CACNA1E: variants seen among roughly 807,000 people sequenced by gnomAD.
The protein encoded by CACNA1E is voltage-dependent R-type calcium channel subunit alpha-1E.
CACNA1E carries 40 observed loss-of-function variants against 259.2 expected under a neutral mutation model. The observed-to-expected ratio is 0.15, with a 90% CI of 0.12 to 0.20. The LOEUF (loss-of-function observed/expected upper bound fraction) is 0.20. Among genes scored for constraint, CACNA1E ranks in the 10% least tolerant of loss-of-function variants. CACNA1E has a pLI of 1.00. For missense variants in CACNA1E, 1,874 were observed against 3,040.1 expected (o/e 0.62, Z 9.02); for synonymous variants, 1,104 against 1,138.5 (o/e 0.97, Z 0.61).
chr1:181,529,179 T>C (rs1351742974), intron 3 of CACNA1E, among the ~76,000 whole-genome samples: 2 of 152,238 alleles, frequency 1.3e-5, no homozygotes, highest in East Asian at 3.8e-4. Context: ...GGAGCCAATG[T>C]ACAGCTCAGG....
intron 1 of CACNA1E, among the ~76,000 whole-genome samples, chr1:181,340,766 C>T (rs992631149): frequency 2.0e-5 from 3 of 152,108 alleles, no homozygotes; most frequent in African/African-American, 4.8e-5. Context: ...TTATGAGTGT[C>T]CCTCAAGGAA....
chr1:181,481,070 G>T (rs571224915), upstream of CACNA1E, among the ~76,000 whole-genome samples: 1 of 152,244 alleles, frequency 6.6e-6, no homozygotes, highest in Admixed American at 6.5e-5. Flanking sequence ...TGGCTGATGG[G>T]ACTTCATGGT....
intron 2 of CACNA1E, among the ~76,000 whole-genome samples, chr1:181,464,023 A>T (rs995089173): frequency 6.6e-6 from 1 of 152,168 alleles, no homozygotes; most frequent in Middle Eastern, 3.4e-3. Flanking sequence ...TTTCTCTGCT[A>T]TGATTAGTCC....
At chr1:181,340,270 T>G (rs1418524326) in intron 1 of CACNA1E, among the ~76,000 whole-genome samples, 2 of 152,198 alleles carry the variant, frequency 1.3e-5, no homozygotes, top group African/African-American at 4.8e-5. Context: ...ATGCATCTGT[T>G]TCAGCATTTT....
At chr1:181,326,364 C>A (rs1258225074) in intron 1 of CACNA1E, among the ~76,000 whole-genome samples, 1 of 152,198 alleles carries the variant, frequency 6.6e-6, no homozygotes, top group East Asian at 1.9e-4. Context: ...TCAGTAACAT[C>A]TTGGTGCTCT....
intron 2 of CACNA1E, among the ~76,000 whole-genome samples, chr1:181,452,467 C>T (rs1466296338): frequency 6.6e-6 from 1 of 152,096 alleles, no homozygotes; most frequent in Non-Finnish European, 1.5e-5. Flanking sequence ...AAACTGTGTT[C>T]CTTGGAGCCC....
Position 181,398,046 on chromosome 1 carries a change from G to A in CACNA1E, c.-14-15087G>A, listed in dbSNP as rs113160467. On this transcript the variant is annotated intron_variant, in intron 1 of 11. Coordinates refer to the CACNA1E transcript ENST00000524607. ...AAGCTAGTGTCTGCCTGGGGAAGCC[G>A]CCTCTTTCTCCTGTCCCCACTCTGA... 6.6e-3 allele frequency among the ~76,000 whole-genome samples: 1,012 copies of A among 152,326 alleles called. 12 individuals are homozygous for A. Among genetic ancestry groups the A allele is most frequent in the African/African-American group, 0.022 (900 of 41,574 alleles).
At chr1:181,406,405 T>C (rs1184725954) in intron 1 of CACNA1E, among the ~76,000 whole-genome samples, 3 of 152,190 alleles carry the variant, frequency 2.0e-5, no homozygotes, top group African/African-American at 7.2e-5. Context: ...TTTCTTTTTT[T>C]TCTTTTTTTG....
chr1:181,738,244 AG>A (rs1432815736), intron 23 of CACNA1E, 122 bp from the exon 24 acceptor site: 2 of 759,422 alleles, frequency 2.6e-6, no homozygotes. Context: ...CTTTGTTCTG[AG>A]GGTGCAGTGG....
chr1:181,392,184 T>G (rs1296650365), intron 1 of CACNA1E, among the ~76,000 whole-genome samples: 1 of 152,172 alleles, frequency 6.6e-6, no homozygotes, highest in African/African-American at 2.4e-5. Flanking sequence ...ATTAAAGCCT[T>G]TTAGGTTCTC....
intron 1 of CACNA1E, among the ~76,000 whole-genome samples, chr1:181,407,357 T>C (rs1657539935): frequency 6.6e-6 from 1 of 152,174 alleles, no homozygotes; most frequent in Non-Finnish European, 1.5e-5. Context: ...ACTGTTCTAG[T>C]GGCTTTTAGC....
At chr1:181,467,950 A>G (rs1662254566) in intron 2 of CACNA1E, among the ~76,000 whole-genome samples, 1 of 152,206 alleles carries the variant, frequency 6.6e-6, no homozygotes, top group African/African-American at 2.4e-5. Flanking sequence ...TGAATATCCT[A>G]CAGTGCAAGG....
intron 2 of CACNA1E, among the ~76,000 whole-genome samples, chr1:181,435,074 A>G (rs1403375839): frequency 2.0e-5 from 3 of 152,192 alleles, no homozygotes; most frequent in Non-Finnish European, 4.4e-5. Flanking sequence ...ACACCATCTA[A>G]ACCCTTCCTA....
intron 32 of CACNA1E, among the ~76,000 whole-genome samples, chr1:181,761,168 A>G (rs1376467868): frequency 6.6e-6 from 1 of 152,226 alleles, no homozygotes; most frequent in African/African-American, 2.4e-5. Context: ...ACATAAAATG[A>G]GGATAATAGT....
At chr1:181,389,873 A>T (rs1656133343) in intron 1 of CACNA1E, among the ~76,000 whole-genome samples, 1 of 152,260 alleles carries the variant, frequency 6.6e-6, no homozygotes, top group African/African-American at 2.4e-5. Context: ...GTCCTAAGAG[A>T]TACTTCAAGT....
At chr1:181,330,236 G>A (rs1651148722) in intron 1 of CACNA1E, among the ~76,000 whole-genome samples, 2 of 152,218 alleles carry the variant, frequency 1.3e-5, no homozygotes, top group South Asian at 4.2e-4. Context: ...CCTGACCTAT[G>A]AAGGCATCCC....
chr1:181,381,917 T>C (rs1353603034), intron 1 of CACNA1E, among the ~76,000 whole-genome samples: 1 of 152,054 alleles, frequency 6.6e-6, no homozygotes, highest in Admixed American at 6.5e-5. Flanking sequence ...CAGGAGCTAG[T>C]TGAGAATGTG....
chr1:181,497,515 G>A (rs1456795389), intron 1 of CACNA1E, among the ~76,000 whole-genome samples: 5 of 152,204 alleles, frequency 3.3e-5, no homozygotes, highest in African/African-American at 7.2e-5. Flanking sequence ...AATGGATGGA[G>A]GAAACTAACC....
At chr1:181,612,248 G>GCT (rs1654815282) in intron 6 of CACNA1E, among the ~76,000 whole-genome samples, 1 of 152,172 alleles carries the variant, frequency 6.6e-6, no homozygotes, top group Admixed American at 6.5e-5. Flanking sequence ...AGGGGAGCAG[G>GCT]CTGAACCATG....
Sources: gnomAD v4.1 joint callset for allele counts (sites outside exome capture counted in the v4.1 genomes callset) on GRCh38, gnomAD v4.1.1 for gene constraint, MANE v1.5 for transcripts, NCBI Gene and HGNC (gene_info 2026-07-23, HGNC 2026-07-21) for gene names.